KDM3B: variants seen among roughly 807,000 people sequenced by gnomAD.
The protein encoded by KDM3B is lysine-specific demethylase 3B.
A neutral mutation model predicts 170.0 loss-of-function variants in KDM3B; 10 were observed. The observed-to-expected ratio is 0.06, with a 90% CI of 0.04 to 0.10. KDM3B has a LOEUF of 0.10. Ranked by LOEUF, KDM3B falls within the 10% of genes least tolerant of loss-of-function variation. KDM3B has a pLI of 1.00. For missense variants in KDM3B, 1,394 were observed against 2,195.2 expected, an observed-to-expected ratio of 0.64 and a Z score of 7.29; for synonymous variants, 831 against 834.8, an observed-to-expected ratio of 1.00 and a Z score of 0.08.
chr5:138,387,105 C>A (rs1256140846), intron 7 of KDM3B, among the ~76,000 whole-genome samples: 5 of 152,098 alleles, frequency 3.3e-5, no homozygotes, highest in Non-Finnish European at 2.9e-5. Flanking sequence ...TTGATATGGC[C>A]ATGGAAGGTT....
intron 11 of KDM3B, among the ~76,000 whole-genome samples, chr5:138,407,786 C>T: frequency 6.6e-6 from 1 of 152,090 alleles, no homozygotes. Context: ...ACCTGCTGTT[C>T]CCCACACAAC....
chr5:138,377,840 T>C lies in KDM3B; in HGVS notation c.580+15T>C. ...ATTCAGCCGAGGTAAGAACGGATAG[T>C]CTTCTGTCCCTGAACTCTGATTCAG... On this transcript the variant is annotated intron_variant, in intron 4 of 23. Transcript: ENST00000314358. 1 of 1,570,048 alleles carries C rather than the reference T, an allele frequency of 6.4e-7. No individual in the cohort carries two copies.
At chr5:138,390,502 G>C (rs1039745093) in intron 7 of KDM3B, among the ~76,000 whole-genome samples, 1 of 152,122 alleles carries the variant, frequency 6.6e-6, no homozygotes, top group Non-Finnish European at 1.5e-5. Context: ...TTTCTTTAAC[G>C]TGCAGTAGGC....
intron 8 of KDM3B, 26 bp from the exon 9 acceptor site, chr5:138,393,145 C>A: frequency 6.2e-7 from 1 of 1,610,874 alleles, no homozygotes. Context: ...TCATGACAAA[C>A]TTTTCTTCTC....
At position 138,379,641 on chromosome 5, in the gene KDM3B, G is replaced by C; in HGVS notation, c.638G>C (p.Gly213Ala). The C allele has an allele frequency of 3.1e-6, 5 of 1,613,614 alleles. No individual in the cohort carries two copies. The highest frequency in any genetic ancestry group is 4.2e-6 in the Non-Finnish European group (5 of 1,179,740). ...VKIYQPEGEE[G>A]WLYGVVSHQD... ...ATATATCAGCCAGAGGGGGAAGAAG[G>C]GTGGCTCTATGGTGTTGTGAGCCAT... The change falls in exon 5 of 24, where the codon GGG becomes GCG. Residue 213 changes from glycine (G) to alanine (A), a missense_variant. By Grantham distance (60) the Gly-to-Ala change is moderately conservative (BLOSUM62 0). This residue lies in a region of KDM3B where 166 missense variants were observed against 216.4 expected (regional missense o/e 0.77). Coordinates refer to ENST00000314358, the MANE Select transcript of KDM3B (RefSeq NM_016604.4).
At chr5:138,407,728 A>G (rs773328070) in intron 11 of KDM3B, among the ~76,000 whole-genome samples, 3 of 152,172 alleles carry the variant, frequency 2.0e-5, no homozygotes, top group Non-Finnish European at 4.4e-5. Flanking sequence ...CCACACATGG[A>G]CGTGCCTTTC....
At chr5:138,411,848 C>A (rs1243945324) in intron 11 of KDM3B, among the ~76,000 whole-genome samples, 1 of 150,158 alleles carries the variant, frequency 6.7e-6, no homozygotes, top group African/African-American at 2.4e-5. Context: ...TACATGTGCC[C>A]GCCACCACCC....
chr5:138,368,988 GTGT>G (rs926559194), intron 1 of KDM3B, among the ~76,000 whole-genome samples: 1 of 152,146 alleles, frequency 6.6e-6, no homozygotes, highest in African/African-American at 2.4e-5. Context: ...ACTTATTTTA[GTGT>G]TGTTCTTGTA....
At chr5:138,411,482 G>T (rs1171571547) in intron 11 of KDM3B, among the ~76,000 whole-genome samples, 4 of 151,862 alleles carry the variant, frequency 2.6e-5, no homozygotes, top group Non-Finnish European at 4.4e-5. Context: ...TTGGTCTCTT[G>T]CCTCGGCGCC....
intron 4 of KDM3B, among the ~76,000 whole-genome samples, chr5:138,379,383 A>G (rs1580893636): frequency 6.6e-6 from 1 of 152,308 alleles, no homozygotes; most frequent in East Asian, 1.9e-4. Context: ...GAATTTACAA[A>G]GACCACTGGA....
In KDM3B at chr5:138,391,381, T is replaced by C. The variant is rs1313895911; in HGVS notation, c.1749T>C (p.Ser583=). 1.9e-6 allele frequency: 3 copies of C among 1,613,888 alleles called. No individual in the cohort carries two copies. The African/African-American group carries it at 4.0e-5, about 22-fold the overall frequency. ...SVLGTDTKPG[S]KAGSSVDRKV... is the part of the protein sequence containing the mutation. ...TTGGAACAGACACTAAGCCAGGCTC[T>C]AAGGCTGGCAGCTCTGTGGACCGGA... The change falls in exon 8 of 24, where the codon TCT becomes TCC. Residue 583 remains serine, a synonymous_variant. Transcript: ENST00000314358. The surrounding 1 kb of genome is among the most constrained non-coding windows in gnomAD (Gnocchi z 5.0).
intron 11 of KDM3B, among the ~76,000 whole-genome samples, chr5:138,408,282 C>A (rs1310427443): frequency 3.3e-5 from 5 of 151,966 alleles, no homozygotes; most frequent in African/African-American, 1.2e-4. Context: ...ACATCTGCCA[C>A]CAACTGGTCT....
chr5:138,417,649 A>C lies in KDM3B; in HGVS notation c.3435+39A>C, dbSNP rs79365102. 1,010 of 1,598,684 alleles carry C rather than the reference A, an allele frequency of 6.3e-4. 13 individuals carry two copies. In the East Asian group the frequency reaches 0.02, roughly 31 times the overall value. ...TGTGGGTATAACTAAGTGAAGCCTA[A>C]ATTTTTTTGTACCAGGAAATGCCCC... On this transcript the variant is annotated intron_variant, in intron 13 of 23. Coordinates refer to ENST00000314358, the MANE Select transcript of KDM3B (RefSeq NM_016604.4).
In KDM3B at chr5:138,400,001, G is replaced by A. The variant is rs758977082; in HGVS notation, c.3188G>A (p.Arg1063Gln). 4 of 1,614,026 alleles carry A rather than the reference G, an allele frequency of 2.5e-6. No individual in the cohort carries two copies. The highest frequency in any genetic ancestry group is 1.3e-5 in the African/African-American group (1 of 74,922). The change falls in exon 11 of 24, where the codon CGG (arginine) becomes CAG (glutamine). Residue 1063 changes from arginine (R) to glutamine (Q), a missense_variant. By Grantham distance (43) the Arg-to-Gln change is conservative. Around this residue, in one of 19 missense-constraint regions of KDM3B, gnomAD observed 44 missense variants for 71.1 expected, o/e 0.62. Coordinates refer to ENST00000314358, the MANE Select transcript of KDM3B (RefSeq NM_016604.4). ...GACTGTTACCGGCTCAGGAAAAGCC[G>A]GCCACGCAGTGGTAAGTAAACATTG... ...CLDCYRLRKS[R>Q]PRSETEEMGD...
chr5:138,431,150 A>T (rs1476681593), intron 22 of KDM3B, among the ~76,000 whole-genome samples: 2 of 151,270 alleles, frequency 1.3e-5, no homozygotes, highest in Non-Finnish European at 1.5e-5. Flanking sequence ...GTTTCGCCAT[A>T]TCACCGTATC....
intron 1 of KDM3B, among the ~76,000 whole-genome samples, chr5:138,353,863 A>G (rs1278279060): frequency 6.6e-6 from 1 of 152,178 alleles, no homozygotes; most frequent in Non-Finnish European, 1.5e-5. Flanking sequence ...TGTGGCGGTA[A>G]AATATAGTGT....
intron 23 of KDM3B, among the ~76,000 whole-genome samples, chr5:138,432,464 TCA>T (rs2127009540): frequency 6.6e-6 from 1 of 152,050 alleles, no homozygotes; most frequent in East Asian, 1.9e-4. Context: ...GGTCAGGAGA[TCA>T]AGACCATCCT....
At position 138,391,643 on chromosome 5, in the gene KDM3B, G is replaced by T; in HGVS notation, c.2011G>T (p.Ala671Ser). 6.2e-7 allele frequency: 1 copy of T among 1,614,046 alleles called. No homozygotes were observed. Among genetic ancestry groups the T allele is most frequent in the Non-Finnish European group, 8.5e-7 (1 of 1,180,018 alleles). Residue 671 changes from alanine (A) to serine (S), a missense_variant, in exon 8 of 24, where the codon GCA becomes TCA. Ala to Ser is a moderately conservative substitution (Grantham distance 99). This residue lies in a region of KDM3B where 294 missense variants were observed against 311.7 expected (regional missense o/e 0.94). Transcript: ENST00000314358. The surrounding 1 kb of genome is among the most constrained non-coding windows in gnomAD (Gnocchi z 5.0). ...TGCTACCACTGTCACCTCCAAGGTG[G>T]CACCCAGCTGGCCCGAGTCTCACTC... is the stretch of plus-strand genomic sequence containing the variant. The part of the protein sequence containing the change: ...SSATTVTSKV[A>S]PSWPESHSSA...
At chr5:138,357,599 A>G (rs1761484342) in intron 1 of KDM3B, among the ~76,000 whole-genome samples, 2 of 152,194 alleles carry the variant, frequency 1.3e-5, no homozygotes, top group Admixed American at 6.5e-5. Flanking sequence ...CAGTCAAGCA[A>G]TCTGCCTGAC....
Sources: gnomAD v4.1 joint callset for allele counts (sites outside exome capture counted in the v4.1 genomes callset) on GRCh38, gnomAD v4.1.1 for gene constraint, gnomAD v4.1.1 regional missense constraint, Gnocchi (gnomAD v3.1) non-coding constraint, MANE v1.5 for transcripts, NCBI Gene and HGNC (gene_info 2026-07-23, HGNC 2026-07-21) for gene names.